Variants in KAZN observed in about 807,000 individuals in gnomAD.
KAZN encodes kazrin.
A neutral mutation model predicts 87.4 loss-of-function variants in KAZN; 40 were observed. The ratio of observed to expected loss-of-function variants is 0.46; its 90% CI spans 0.36 to 0.60. The LOEUF is 0.60. Among genes scored for constraint, KAZN ranks in the 20% least tolerant of loss-of-function variants. KAZN has a pLI of 0.00. For synonymous variants in KAZN, 466 were observed against 458.3 expected (o/e 1.02, Z -0.22); for missense variants, 898 against 1,073.9 (o/e 0.84, Z 2.29).
intron 1 of KAZN, among the ~76,000 whole-genome samples, chr1:13,917,193 A>G (rs1248137302): frequency 2.0e-5 from 3 of 152,222 alleles, no homozygotes; most frequent in Non-Finnish European, 4.4e-5. Context: ...AGCCATTTCT[A>G]TAACATAAAA....
chr1:14,037,541 A>C (rs1260945116), intron 1 of KAZN, among the ~76,000 whole-genome samples: 1 of 152,200 alleles, frequency 6.6e-6, no homozygotes, highest in Non-Finnish European at 1.5e-5. Flanking sequence ...CCTGATGTGC[A>C]CAGCCCAGCT....
At chr1:14,614,104 T>C (rs34103159) in intron 1 of KAZN, among the ~76,000 whole-genome samples, 1 of 152,170 alleles carries the variant, frequency 6.6e-6, no homozygotes, top group African/African-American at 2.4e-5. Context: ...CATCACTAAC[T>C]AGTGTCACCC....
At chr1:14,697,009 G>A (rs1362436146) in intron 1 of KAZN, among the ~76,000 whole-genome samples, 2 of 151,920 alleles carry the variant, frequency 1.3e-5, no homozygotes, top group Non-Finnish European at 2.9e-5. Flanking sequence ...AAAAGAAAAG[G>A]GCCAGACACA....
intron 1 of KAZN, among the ~76,000 whole-genome samples, chr1:14,707,764 A>G (rs911469243): frequency 6.6e-6 from 1 of 152,192 alleles, no homozygotes; most frequent in Non-Finnish European, 1.5e-5. Flanking sequence ...CGAAGTCATC[A>G]AACAACACTT....
At chr1:14,306,573 T>C (rs1654945297) in intron 2 of KAZN, among the ~76,000 whole-genome samples, 1 of 152,212 alleles carries the variant, frequency 6.6e-6, no homozygotes, top group Non-Finnish European at 1.5e-5. Context: ...ACCCAGTCCT[T>C]GCTGTGAAAG....
chr1:14,511,873 T>G (rs1353307317), intron 2 of KAZN, among the ~76,000 whole-genome samples: 2 of 152,140 alleles, frequency 1.3e-5, no homozygotes, highest in African/African-American at 4.8e-5. Context: ...GAAAGCTGCA[T>G]TCAACATAAA....
intron 2 of KAZN, among the ~76,000 whole-genome samples, chr1:14,243,380 G>A (rs1444259160): frequency 6.6e-6 from 1 of 152,144 alleles, no homozygotes; most frequent in Non-Finnish European, 1.5e-5. Context: ...CCAGTCTCTG[G>A]GAGGTGGAGG....
intron 1 of KAZN, among the ~76,000 whole-genome samples, chr1:14,112,797 C>A (rs1454139135): frequency 4.6e-5 from 7 of 152,140 alleles, no homozygotes. Flanking sequence ...TCCTGCCATG[C>A]CCTTTGCCTT....
chr1:14,092,326 C>T (rs979670984), intron 1 of KAZN, among the ~76,000 whole-genome samples: 8 of 151,128 alleles, frequency 5.3e-5, no homozygotes, highest in African/African-American at 1.9e-4. Flanking sequence ...CTCCTGACCT[C>T]GTGATCTGTC....
At chr1:15,007,284 A>G (rs1230604106) in intron 2 of KAZN, among the ~76,000 whole-genome samples, 2 of 152,170 alleles carry the variant, frequency 1.3e-5, no homozygotes, top group Non-Finnish European at 2.9e-5. Context: ...GGGCTGGAAT[A>G]TTATGGGTAT....
chr1:14,774,985 C>T (rs1442768165), intron 1 of KAZN, among the ~76,000 whole-genome samples: 2 of 152,196 alleles, frequency 1.3e-5, no homozygotes, highest in Non-Finnish European at 2.9e-5. Flanking sequence ...ACGGTCCTGC[C>T]CTCATGGAGC....
intron 1 of KAZN, among the ~76,000 whole-genome samples, chr1:14,888,050 G>A (rs574431633): frequency 6.6e-6 from 1 of 152,126 alleles, no homozygotes. Flanking sequence ...ACAGGGAAGC[G>A]CCATGCAGCA....
At position 14,794,633 on chromosome 1, in the gene KAZN, T is replaced by C. The variant is rs953353725; in HGVS notation, c.227-166051T>C. Among the ~76,000 whole-genome samples, 6 of 152,188 alleles carry C rather than the reference T, an allele frequency of 3.9e-5. No individual in the cohort carries two copies. The South Asian group carries it at 1.2e-3, about 32-fold the overall frequency. ...GTCCCTGATGGCAGAGTCATGGGAG[T>C]CGGCTCTCAGGAGCCAGTGAAGTCA... On this transcript the variant is annotated intron_variant, in intron 1 of 14. Coordinates refer to ENST00000376030, the MANE Select transcript of KAZN (RefSeq NM_201628.3).
chr1:14,314,101 C>T (rs2100819698), intron 2 of KAZN, among the ~76,000 whole-genome samples: 1 of 152,230 alleles, frequency 6.6e-6, no homozygotes, highest in African/African-American at 2.4e-5. Context: ...CACTTTAGCT[C>T]CCATGGGCTA....
At chr1:14,635,166 A>G (rs572875325) in intron 1 of KAZN, among the ~76,000 whole-genome samples, 13 of 152,300 alleles carry the variant, frequency 8.5e-5, no homozygotes, top group Non-Finnish European at 1.6e-4. Flanking sequence ...TGTTAATTCA[A>G]TGAGGTGGTG....
At chr1:14,444,721 G>A (rs139458776) in intron 2 of KAZN, among the ~76,000 whole-genome samples, 7 of 152,246 alleles carry the variant, frequency 4.6e-5, no homozygotes, top group Non-Finnish European at 1.0e-4. Flanking sequence ...TGGAGTGCAT[G>A]AGATTTCTTC....
chr1:14,393,101 G>T (rs1455839809), intron 2 of KAZN, among the ~76,000 whole-genome samples: 3 of 152,146 alleles, frequency 2.0e-5, no homozygotes, highest in Non-Finnish European at 4.4e-5. Flanking sequence ...TTGTTTTTAA[G>T]GTTCCACCAT....
At chr1:14,305,657 C>CT (rs912078620) in intron 2 of KAZN, among the ~76,000 whole-genome samples, 2,656 of 147,278 alleles carry the variant, frequency 0.018, 54 homozygotes, top group African/African-American at 0.054. Context: ...TCTGCTCTCC[C>CT]TTTTTTTTTT....
At position 14,107,012 on chromosome 1, in the gene KAZN, C is replaced by T. The variant is rs948686767; in HGVS notation, c.92-73423C>T. 1.4e-3 allele frequency among the ~76,000 whole-genome samples: 147 copies of T among 107,056 alleles called. 1 individual carries two copies. The Middle Eastern group carries it at 0.021, about 15-fold the overall frequency. The allele number at this position is 107,056 out of a possible 152,430, so 70.2% of individuals were successfully genotyped here. A position where few individuals can be genotyped will look rare whatever the true frequency, so the allele number is the denominator to read the frequency against. On this transcript the variant is annotated intron_variant, in intron 1 of 16. Coordinates refer to the KAZN transcript ENST00000636203. ...TCCCTCCCTCCCTCCCTGTCTCCCT[C>T]CCCTCCCTCTCTCCCTCCCTCCCTC...
Sources: allele counts gnomAD v4.1 joint callset (sites outside exome capture counted in the v4.1 genomes callset), GRCh38; gene constraint gnomAD v4.1.1; transcripts MANE v1.5; gene names NCBI Gene and HGNC (gene_info 2026-07-23, HGNC 2026-07-21).